The following PITPNB variants were observed in gnomAD, a reference collection of about 807,000 sequenced individuals.
The protein encoded by PITPNB is phosphatidylinositol transfer protein beta, also known as phosphatidylinositol transfer protein beta isoform.
Under a neutral mutation model 45.9 loss-of-function variants are expected in PITPNB, and 16 were observed. The ratio of observed to expected loss-of-function variants is 0.35; its 90% CI spans 0.24 to 0.53. PITPNB has a LOEUF of 0.53. Among genes scored for constraint, PITPNB ranks in the 20% least tolerant of loss-of-function variants. PITPNB has a pLI of 0.93. For missense variants in PITPNB, 188 were observed against 330.5 expected, an observed-to-expected ratio of 0.57 and a Z score of 3.34; for synonymous variants, 112 against 108.9, an observed-to-expected ratio of 1.03 and a Z score of -0.18.
intron 2 of PITPNB, 41 bp from the exon 3 acceptor site, chr22:27,911,150 TAACTGCA>T: frequency 6.7e-7 from 1 of 1,501,390 alleles, no homozygotes; most frequent in Admixed American, 1.7e-5. Flanking sequence ...AAGTCAGTAG[TAACTGCA>T]GAAATTTAGT....
At chr22:27,896,685 G>A (rs1935443198) in intron 5 of PITPNB, 59 bp from the exon 6 acceptor site, 5 of 1,122,958 alleles carry the variant, frequency 4.5e-6, no homozygotes, top group South Asian at 3.8e-5. Flanking sequence ...TGGTGCCCAC[G>A]TCTGAGGGAG....
chr22:27,910,678 A>G (rs1160450708), intron 3 of PITPNB: 6 of 272,036 alleles, frequency 2.2e-5, no homozygotes, highest in African/African-American at 4.3e-5. Flanking sequence ...ACAGAAAATG[A>G]TCTAGAAAGA....
chr22:27,890,810 T>C (rs554117744), intron 7 of PITPNB, among the ~76,000 whole-genome samples: 3 of 152,152 alleles, frequency 2.0e-5, no homozygotes, highest in African/African-American at 7.2e-5. Flanking sequence ...CGAGACTCTG[T>C]CTCAAAAACA....
rs1934043176 is a variant in PITPNB, at chr22:27,852,337, A to G, written c.*1365T>C. The stretch of plus-strand genomic sequence containing the variant: ...TTCTATTCAAGCTTCCAGGACTGAC[A>G]GAGGAAAAACTGGATTCAGACAGAG... On this transcript the variant is annotated 3_prime_UTR_variant, in exon 12 of 12. Coordinates refer to ENST00000335272, the MANE Select transcript of PITPNB (RefSeq NM_012399.5). The G allele has an allele frequency of 6.6e-6, 1 of 152,264 alleles. No individual in the cohort carries two copies. Among genetic ancestry groups the G allele is most frequent in the South Asian group, 2.1e-4 (1 of 4,834 alleles). 9.4% of individuals were successfully genotyped at this position (152,264 alleles called of 1,614,324 possible).
intron 8 of PITPNB, among the ~76,000 whole-genome samples, chr22:27,871,202 T>C (rs973634954): frequency 2.6e-5 from 4 of 152,242 alleles, no homozygotes; most frequent in Middle Eastern, 3.2e-3. Context: ...ACATGGTATA[T>C]ATTCCAAGTT....
chr22:27,919,104 C>T, intron 1 of PITPNB, 68 bp downstream of exon 1: 1 of 1,612,994 alleles, frequency 6.2e-7, no homozygotes, highest in Non-Finnish European at 8.5e-7. Flanking sequence ...TATCCTACCA[C>T]TTCTCCATCA....
chr22:27,896,778 T>G (rs1458419526), intron 5 of PITPNB, 152 bp from the exon 6 acceptor site: 1 of 621,460 alleles, frequency 1.6e-6, no homozygotes, highest in Non-Finnish European at 2.9e-6. Context: ...CTACCGATTT[T>G]TATAGACTTG....
chr22:27,881,946 G>C (rs1194999038), intron 7 of PITPNB, among the ~76,000 whole-genome samples: 1 of 152,054 alleles, frequency 6.6e-6, no homozygotes, highest in Non-Finnish European at 1.5e-5. Flanking sequence ...ATTTTGAAAA[G>C]AAAAAAGTTT....
At chr22:27,893,106 C>T (rs903738428) in intron 7 of PITPNB, among the ~76,000 whole-genome samples, 3 of 152,170 alleles carry the variant, frequency 2.0e-5, no homozygotes, top group Admixed American at 6.5e-5. Context: ...TGCTTGACCA[C>T]GACAAAACAA....
At position 27,860,242 on chromosome 22, in the gene PITPNB, C is replaced by G; in HGVS notation, c.535-1G>C. Reference sequence around the variant, plus strand: ...AGTCAGGGCTGTTTGCCAGCTCCTTCTAGATGAGAAAAATTGAAAAGGAGA... The same window carrying G: ...AGTCAGGGCTGTTTGCCAGCTCCTTGTAGATGAGAAAAATTGAAAAGGAGA... On this transcript the variant is annotated splice_acceptor_variant, in intron 8 of 11. Coordinates refer to ENST00000335272, the MANE Select transcript of PITPNB (RefSeq NM_012399.5). LOFTEE classifies it high-confidence loss of function. 1 of 1,572,468 alleles carries G rather than the reference C, an allele frequency of 6.4e-7. No homozygotes were observed. The highest frequency in any genetic ancestry group is 1.2e-5 in the South Asian group (1 of 86,876).
chr22:27,877,904 C>T (rs1039193684), intron 7 of PITPNB, among the ~76,000 whole-genome samples: 4 of 152,128 alleles, frequency 2.6e-5, no homozygotes, highest in East Asian at 1.9e-4. Context: ...GGACCCAAAC[C>T]ACAAGCATTA....
intron 3 of PITPNB, among the ~76,000 whole-genome samples, chr22:27,899,627 C>T: frequency 6.6e-6 from 1 of 152,120 alleles, no homozygotes; most frequent in East Asian, 1.9e-4. Context: ...CCGGCCTGAT[C>T]ACTTCTTTTC....
chr22:27,897,217 T>A, intron 4 of PITPNB, 80 bp from the exon 5 acceptor site: 1 of 912,724 alleles, frequency 1.1e-6, no homozygotes, highest in Non-Finnish European at 1.8e-6. Context: ...TCTGTCCCAA[T>A]ACTTAATGTC....
intron 3 of PITPNB, among the ~76,000 whole-genome samples, chr22:27,901,907 T>C (rs893487681): frequency 6.6e-6 from 1 of 151,688 alleles, no homozygotes; most frequent in Non-Finnish European, 1.5e-5. Flanking sequence ...TAAATATATA[T>C]ATACCTACAT....
chr22:27,879,850 T>C (rs1005351511), intron 7 of PITPNB, among the ~76,000 whole-genome samples: 9 of 152,130 alleles, frequency 5.9e-5, no homozygotes, highest in African/African-American at 1.4e-4. Context: ...GAGTGAGCCC[T>C]CTCTCACTCT....
chr22:27,918,827 G>A (rs1936173405), intron 1 of PITPNB, among the ~76,000 whole-genome samples: 1 of 152,170 alleles, frequency 6.6e-6, no homozygotes, highest in South Asian at 2.1e-4. Flanking sequence ...TCCCACCGGC[G>A]GGCCTGGGGG....
chr22:27,874,722 A>G (rs1025997111), intron 7 of PITPNB, among the ~76,000 whole-genome samples: 1 of 152,264 alleles, frequency 6.6e-6, no homozygotes, highest in Non-Finnish European at 1.5e-5. Flanking sequence ...AGAGACTTGC[A>G]ACAATAACTT....
chr22:27,899,837 A>C (rs1184869956), intron 3 of PITPNB, among the ~76,000 whole-genome samples: 1 of 152,228 alleles, frequency 6.6e-6, no homozygotes, highest in East Asian at 1.9e-4. Flanking sequence ...TTTTAAGCCA[A>C]GCTACAAGAC....
intron 6 of PITPNB, among the ~76,000 whole-genome samples, chr22:27,895,714 C>T (rs545521095): frequency 6.6e-6 from 1 of 152,084 alleles, no homozygotes; most frequent in Non-Finnish European, 1.5e-5. Flanking sequence ...GTAAGAGCAC[C>T]GTAATAGAAC....
Sources: allele counts gnomAD v4.1 joint callset (sites outside exome capture counted in the v4.1 genomes callset), GRCh38; gene constraint gnomAD v4.1.1; transcripts MANE v1.5; gene names NCBI Gene and HGNC (gene_info 2026-07-23, HGNC 2026-07-21).